ECM2: variants seen among roughly 807,000 people sequenced by gnomAD.
ECM2 encodes extracellular matrix protein 2, female organ and adipocyte specific.
In ECM2, 57 loss-of-function variants were observed where a neutral mutation model predicts 67.5. That is an observed-to-expected ratio of 0.84 (90% CI 0.68 to 1.05). The LOEUF is 1.05. Among genes scored for constraint, ECM2 ranks in the 50% least tolerant of loss-of-function variants. The pLI, the probability that ECM2 is intolerant of heterozygous loss-of-function variation, is 0.00. For missense variants in ECM2, 741 were observed against 822.8 expected (o/e 0.90, Z 1.22); for synonymous variants, 258 against 294.5 (o/e 0.88, Z 1.27).
downstream of ECM2, among the ~76,000 whole-genome samples, chr9:92,494,939 C>A (rs980613881): frequency 6.6e-6 from 1 of 152,058 alleles, no homozygotes; most frequent in African/African-American, 2.4e-5. Context: ...TGGAATAAGT[C>A]AAACTTTTCA....
intron 4 of ECM2, among the ~76,000 whole-genome samples, chr9:92,513,658 A>G (rs1847501907): frequency 6.6e-6 from 1 of 152,216 alleles, no homozygotes; most frequent in Non-Finnish European, 1.5e-5. Flanking sequence ...GCTTTCAAAA[A>G]CATTAGAAGC....
the ECM2 span, among the ~76,000 whole-genome samples, chr9:92,552,816 C>T: frequency 6.6e-6 from 1 of 152,142 alleles, no homozygotes; most frequent in Non-Finnish European, 1.5e-5. Context: ...CTGACTGTTC[C>T]TTTTGCCGTG....
At chr9:92,514,585 ATT>A (rs1847566490) in intron 4 of ECM2, 44 bp downstream of exon 4, 1 of 1,526,828 alleles carries the variant, frequency 6.5e-7, no homozygotes, top group Admixed American at 2.1e-5. Context: ...GCTAAGAGTC[ATT>A]TACTTTTAAA....
rs201071759 is a variant in ECM2 at position 92,515,118 on chromosome 9, A to G, written c.567T>C (p.Asn189=). 12 of 1,613,824 alleles carry G rather than the reference A, an allele frequency of 7.4e-6. No individual in the cohort carries two copies. Among genetic ancestry groups the G allele is most frequent in the Non-Finnish European group, 9.3e-6 (11 of 1,179,988 alleles). The change falls in exon 4 of 10, where the codon AAT becomes AAC. Residue 189 remains asparagine (N), a synonymous_variant. Transcript: ENST00000344604. ...GDSSEQREPT[N]LLHKQLPPPQ... The stretch of plus-strand genomic sequence containing the variant: ...GAGGTGGCAGTTGCTTATGAAGTAA[A>G]TTGGTAGGTTCTCTTTGTTCTGAAG...
chr9:92,516,115 A>G (rs569304655), intron 3 of ECM2, among the ~76,000 whole-genome samples: 43 of 149,716 alleles, frequency 2.9e-4, no homozygotes, highest in South Asian at 1.9e-3. Context: ...CCAGGCTGGA[A>G]TGCAGTGGCA....
At chr9:92,520,780 A>G (rs1442028949) in intron 2 of ECM2, among the ~76,000 whole-genome samples, 1 of 152,236 alleles carries the variant, frequency 6.6e-6, no homozygotes, top group South Asian at 2.1e-4. Flanking sequence ...ATTCAGCCAT[A>G]AAAAGGAATG....
intron 1 of ECM2, among the ~76,000 whole-genome samples, chr9:92,533,566 T>C (rs1190353253): frequency 6.6e-6 from 1 of 151,666 alleles, no homozygotes; most frequent in Non-Finnish European, 1.5e-5. Flanking sequence ...ATTGGCCCTG[T>C]TGTTTTTCTC....
chr9:92,519,552 A>G (rs1847935176), intron 2 of ECM2, among the ~76,000 whole-genome samples: 4 of 152,240 alleles, frequency 2.6e-5, no homozygotes, highest in Admixed American at 2.6e-4. Context: ...AAGACCATTC[A>G]GTGGAGGAAA....
At chr9:92,516,212 C>CTG (rs1211692980) in intron 3 of ECM2, among the ~76,000 whole-genome samples, 1 of 151,888 alleles carries the variant, frequency 6.6e-6, no homozygotes, top group Non-Finnish European at 1.5e-5. Flanking sequence ...TACAGGCACC[C>CTG]CACCACCATG....
Position 92,496,083 on chromosome 9 carries a change from C to G in ECM2, c.*232G>C, listed in dbSNP as rs1846331001. On this transcript the variant is annotated 3_prime_UTR_variant, in exon 10 of 10. Transcript: ENST00000344604. ...TAATATCCTATTCTAGTGAGATGGC[C>G]TCTTTCTAGAGGTAGGAAACTGAGA... is the stretch of plus-strand genomic sequence containing the variant. 4 of 1,144,734 alleles carry G rather than the reference C, an allele frequency of 3.5e-6. No individual in the cohort carries two copies. The highest frequency in any genetic ancestry group is 3.2e-6 in the Non-Finnish European group (3 of 934,128). The allele number at this position is 1,144,734 out of a possible 1,614,324, so 70.9% of individuals were successfully genotyped here.
intron 6 of ECM2, among the ~76,000 whole-genome samples, chr9:92,506,912 T>C (rs750158598): frequency 2.0e-5 from 3 of 152,018 alleles, no homozygotes; most frequent in South Asian, 4.2e-4. Context: ...TTAAATTTTA[T>C]TTTATTTTAT....
At chr9:92,549,723 G>A in the ECM2 span, among the ~76,000 whole-genome samples, 9 of 151,954 alleles carry the variant, frequency 5.9e-5, no homozygotes, top group Admixed American at 3.9e-4. Flanking sequence ...CCCAGACACC[G>A]GATTAGATAT....
intron 3 of ECM2, chr9:92,517,412 C>A: frequency 3.5e-6 from 2 of 576,132 alleles, no homozygotes; most frequent in Non-Finnish European, 6.1e-6. Flanking sequence ...AATTCTGTTA[C>A]CATATCTCTA....
At chr9:92,511,144 G>A (rs1847310974) in intron 5 of ECM2, among the ~76,000 whole-genome samples, 1 of 151,962 alleles carries the variant, frequency 6.6e-6, no homozygotes, top group Non-Finnish European at 1.5e-5. Flanking sequence ...TTTGTTGTTT[G>A]AGACAGGGTC....
At position 92,496,191 on chromosome 9, in the gene ECM2, T is replaced by C; in HGVS notation, c.*124A>G. 7.1e-7 allele frequency: 1 copy of C among 1,404,686 alleles called. No individual in the cohort carries two copies. The highest frequency in any genetic ancestry group is 9.2e-7 in the Non-Finnish European group (1 of 1,086,982). The allele number at this position is 1,404,686 out of a possible 1,614,324, so 87.0% of individuals were successfully genotyped here. On this transcript the variant is annotated 3_prime_UTR_variant, in exon 10 of 10. Coordinates refer to ENST00000344604, the MANE Select transcript of ECM2 (RefSeq NM_001393.4). ...GGTTGTTCATCTGTGTGTTAGTGAA[T>C]CAGGTTGACTAGCATATAATGATAC...
At chr9:92,522,507 T>G (rs1848136764) in intron 2 of ECM2, 68 bp downstream of exon 2, 13 of 1,413,788 alleles carry the variant, frequency 9.2e-6, no homozygotes, top group Non-Finnish European at 1.2e-5. Context: ...CCCTCTCTCC[T>G]TCTCTTTCCC....
chr9:92,513,025 C>T (rs546744025), intron 4 of ECM2, among the ~76,000 whole-genome samples: 2 of 152,334 alleles, frequency 1.3e-5, no homozygotes, highest in African/African-American at 4.8e-5. Context: ...TGGCAGTGTG[C>T]TGTCACAGAT....
At chr9:92,516,723 A>T (rs935419943) in intron 3 of ECM2, 1 of 152,202 alleles carries the variant, frequency 6.6e-6, no homozygotes, top group Non-Finnish European at 1.5e-5. Context: ...TACTTTGTAA[A>T]CCTTGTATTT....
intron 8 of ECM2, 76 bp downstream of exon 8, chr9:92,502,437 C>A: frequency 3.9e-6 from 6 of 1,539,736 alleles, no homozygotes; most frequent in Non-Finnish European, 5.3e-6. Context: ...ATCCCATTCC[C>A]AGTTTCCATA....
Sources: allele counts gnomAD v4.1 joint callset (sites outside exome capture counted in the v4.1 genomes callset), GRCh38; gene constraint gnomAD v4.1.1; transcripts MANE v1.5; gene names NCBI Gene and HGNC (gene_info 2026-07-23, HGNC 2026-07-21).